KCNQ3: variants seen among roughly 807,000 people sequenced by gnomAD.
KCNQ3 encodes the protein potassium voltage-gated channel subfamily Q member 3.
In KCNQ3, 30 loss-of-function variants were observed where a neutral mutation model predicts 92.5. That is an observed-to-expected ratio of 0.32 (90% CI 0.24 to 0.44). The LOEUF is 0.44. Among genes scored for constraint, KCNQ3 ranks in the 20% least tolerant of loss-of-function variants. KCNQ3 has a pLI of 1.00. For missense variants in KCNQ3, 913 were observed against 1,140.3 expected (o/e 0.80, Z 2.87); for synonymous variants, 450 against 468.8 (o/e 0.96, Z 0.52).
intron 1 of KCNQ3, among the ~76,000 whole-genome samples, chr8:132,275,978 C>A (rs1015932673): frequency 3.9e-5 from 6 of 152,172 alleles, no homozygotes; most frequent in Non-Finnish European, 5.9e-5. Flanking sequence ...CTAGTACAAA[C>A]TATGATTTAC....
At chr8:132,189,888 CAAAAAAAAAAAAA>C (rs776683880) in intron 1 of KCNQ3, among the ~76,000 whole-genome samples, 1 of 64,084 alleles carries the variant, frequency 1.6e-5, no homozygotes, top group South Asian at 6.4e-4. Flanking sequence ...TAAAAATGAC[CAAAAAAAAAAAAA>C]AAAAAAAGAG....
In KCNQ3 at chr8:132,121,351, G is replaced by C. The variant is rs899442599; in HGVS notation, c.*7911C>G. On this transcript the variant is annotated 3_prime_UTR_variant, in exon 15 of 15. Coordinates refer to ENST00000388996, the MANE Select transcript of KCNQ3 (RefSeq NM_004519.4). ...TTTCTCTTTAAAACAAGGAAGGACT[G>C]ACAAATCTGATGAAGTCCACCTATC... 6.6e-6 allele frequency: 1 copy of C among 152,150 alleles called. No homozygotes were observed. The highest frequency in any genetic ancestry group is 2.4e-5 in the African/African-American group (1 of 41,442). The allele number at this position is 152,150 out of a possible 1,614,324, so 9.4% of individuals were successfully genotyped here. A position where few individuals can be genotyped will look rare whatever the true frequency, so the allele number is the denominator to read the frequency against.
intron 9 of KCNQ3, 30 bp downstream of exon 9, chr8:132,163,438 G>A (rs764444007): frequency 1.9e-6 from 3 of 1,593,872 alleles, no homozygotes; most frequent in Non-Finnish European, 1.7e-6. Flanking sequence ...ACAGAGATGT[G>A]AAGAAGGGAA....
chr8:132,130,877 G>A (rs1408120319), intron 14 of KCNQ3, among the ~76,000 whole-genome samples: 2 of 152,204 alleles, frequency 1.3e-5, no homozygotes, highest in African/African-American at 4.8e-5. Context: ...CGTGTGTGAT[G>A]TTCTTGCTTT....
chr8:132,181,369 A>G (rs1826767760), intron 3 of KCNQ3, among the ~76,000 whole-genome samples: 1 of 152,230 alleles, frequency 6.6e-6, no homozygotes, highest in Admixed American at 6.5e-5. Flanking sequence ...TTACAAAATT[A>G]TTAGTGTTAT....
intron 1 of KCNQ3, among the ~76,000 whole-genome samples, chr8:132,443,300 C>T (rs549507101): frequency 5.1e-4 from 77 of 152,156 alleles, no homozygotes; most frequent in Non-Finnish European, 8.4e-4. Flanking sequence ...CAGGAGTATT[C>T]GCTCTGGCTT....
intron 1 of KCNQ3, among the ~76,000 whole-genome samples, chr8:132,437,218 T>C (rs1821418131): frequency 6.6e-6 from 1 of 150,950 alleles, no homozygotes; most frequent in Non-Finnish European, 1.5e-5. Context: ...GGGCGGAGCC[T>C]GCAGTGAGCC....
chr8:132,134,230 G>T, intron 13 of KCNQ3, 60 bp downstream of exon 13: 1 of 1,233,946 alleles, frequency 8.1e-7, no homozygotes, highest in Non-Finnish European at 1.2e-6. Flanking sequence ...AGGTTTGGGG[G>T]TGGGGATGCT....
chr8:132,450,727 G>A (rs72721081), intron 1 of KCNQ3, among the ~76,000 whole-genome samples: 13,401 of 152,162 alleles, frequency 0.088, 800 homozygotes, highest in African/African-American at 0.16. Flanking sequence ...CCTTTGAGCC[G>A]AAGAGGAAGA....
chr8:132,226,719 C>A (rs1814432931), intron 1 of KCNQ3, among the ~76,000 whole-genome samples: 1 of 152,138 alleles, frequency 6.6e-6, no homozygotes, highest in African/African-American at 2.4e-5. Context: ...GCTCCTGGAG[C>A]TGAAGTCTGA....
chr8:132,157,299 G>A (rs1172289466), intron 9 of KCNQ3, among the ~76,000 whole-genome samples: 1 of 152,160 alleles, frequency 6.6e-6, no homozygotes, highest in Non-Finnish European at 1.5e-5. Flanking sequence ...CCATAAGGAG[G>A]ACCATCTTTT....
chr8:132,336,742 T>A (rs887992119), intron 1 of KCNQ3, among the ~76,000 whole-genome samples: 2 of 152,250 alleles, frequency 1.3e-5, no homozygotes, highest in Non-Finnish European at 1.5e-5. Flanking sequence ...GCACCCATCA[T>A]CTTATAATGC....
chr8:132,437,136 G>A (rs983391618), intron 1 of KCNQ3, among the ~76,000 whole-genome samples: 3 of 151,792 alleles, frequency 2.0e-5, no homozygotes, highest in East Asian at 1.9e-4. Flanking sequence ...AAAATTAGCC[G>A]GGCGAGGTGG....
chr8:132,480,323 C>A lies in KCNQ3; in HGVS notation c.210G>T (p.Glu70Asp). The change falls in exon 1 of 15, where the codon GAG becomes GAT. Residue 70 changes from glutamate (E) to aspartate (D), a missense_variant. Physicochemically the swap from Glu to Asp is conservative, Grantham distance 45. Transcript: ENST00000388996. The stretch of plus-strand genomic sequence containing the variant: ...GCTGCCCCTCGTCGCGGCCGCCGCC[C>A]TCCAGCAGCAGGGTCCCGTCTTTGT... ...GADKDGTLLL[E>D]GGGRDEGQRR... The A allele has an allele frequency of 6.2e-7, 1 of 1,601,206 alleles. No individual in the cohort carries two copies. Among genetic ancestry groups the A allele is most frequent in the East Asian group, 2.3e-5 (1 of 44,324 alleles).
intron 8 of KCNQ3, among the ~76,000 whole-genome samples, chr8:132,164,621 CA>C (rs770609004): frequency 3.9e-5 from 6 of 152,122 alleles, no homozygotes; most frequent in Non-Finnish European, 7.3e-5. Flanking sequence ...GATCACAAAG[CA>C]GGTGGACACA....
At chr8:132,361,420 C>T (rs1586956680) in intron 1 of KCNQ3, among the ~76,000 whole-genome samples, 1 of 152,150 alleles carries the variant, frequency 6.6e-6, no homozygotes. Context: ...ATGTACTGAC[C>T]TTTTAAAATT....
intron 1 of KCNQ3, among the ~76,000 whole-genome samples, chr8:132,411,007 C>G (rs1008321250): frequency 6.6e-6 from 1 of 152,188 alleles, no homozygotes; most frequent in Non-Finnish European, 1.5e-5. Flanking sequence ...TAAAAGCCCC[C>G]TTTCTATAAA....
chr8:132,441,772 T>G (rs1821544109), intron 1 of KCNQ3, among the ~76,000 whole-genome samples: 1 of 152,182 alleles, frequency 6.6e-6, no homozygotes, highest in South Asian at 2.1e-4. Context: ...CTCTGAAATC[T>G]CATCAGCATG....
chr8:132,230,529 A>G (rs1814613451), intron 1 of KCNQ3, among the ~76,000 whole-genome samples: 1 of 151,884 alleles, frequency 6.6e-6, no homozygotes, highest in Admixed American at 6.6e-5. Flanking sequence ...ATTTTCTTGC[A>G]ATGTGTCTTC....
Sources: gnomAD v4.1 joint callset for allele counts (sites outside exome capture counted in the v4.1 genomes callset) on GRCh38, gnomAD v4.1.1 for gene constraint, MANE v1.5 for transcripts, NCBI Gene and HGNC (gene_info 2026-07-23, HGNC 2026-07-21) for gene names.